Variants in LRRC4C observed in about 807,000 individuals in gnomAD.
LRRC4C encodes leucine-rich repeat-containing protein 4C.
LRRC4C carries 5 observed loss-of-function variants against 33.6 expected under a neutral mutation model. The observed-to-expected ratio is 0.15, with a 90% CI of 0.08 to 0.31. The LOEUF is 0.31. Ranked by LOEUF, LRRC4C falls within the 10% of genes least tolerant of loss-of-function variation. The pLI, the probability that LRRC4C is intolerant of heterozygous loss-of-function variation, is 1.00. For synonymous variants in LRRC4C, 329 were observed against 302.0 expected (o/e 1.09, Z -0.93); for missense variants, 560 against 796.7 (o/e 0.70, Z 3.58).
chr11:40,148,485 A>G (rs1857925116), intron 5 of LRRC4C, among the ~76,000 whole-genome samples: 1 of 152,030 alleles, frequency 6.6e-6, no homozygotes, highest in Non-Finnish European at 1.5e-5. Context: ...GTCTTTTTTA[A>G]AAAAGTGTCT....
At chr11:41,295,026 A>T (rs1950098525) in intron 1 of LRRC4C, among the ~76,000 whole-genome samples, 1 of 152,222 alleles carries the variant, frequency 6.6e-6, no homozygotes, top group Non-Finnish European at 1.5e-5. Context: ...TTGTTATTGT[A>T]AATTAGCATG....
chr11:40,894,429 T>A (rs1031878120), intron 2 of LRRC4C, among the ~76,000 whole-genome samples: 5 of 152,176 alleles, frequency 3.3e-5, no homozygotes, highest in Non-Finnish European at 5.9e-5. Flanking sequence ...CCAAATCTGT[T>A]AGAAATGCAA....
chr11:40,584,307 T>TC (rs1184655599), intron 3 of LRRC4C, among the ~76,000 whole-genome samples: 2 of 149,684 alleles, frequency 1.3e-5, no homozygotes, highest in African/African-American at 4.9e-5. Flanking sequence ...AGTAGAACAC[T>TC]CCCCCTCAGT....
intron 5 of LRRC4C, among the ~76,000 whole-genome samples, chr11:40,178,629 G>A (rs1860716950): frequency 6.6e-6 from 1 of 152,138 alleles, no homozygotes; most frequent in South Asian, 2.1e-4. Context: ...TTAAGACAAG[G>A]GCTTGTACTA....
intron 1 of LRRC4C, among the ~76,000 whole-genome samples, chr11:41,285,572 G>T (rs1481096242): frequency 2.6e-5 from 4 of 152,050 alleles, no homozygotes; most frequent in Admixed American, 2.6e-4. Context: ...CATGTCCAAG[G>T]TTCAGAGACT....
At chr11:40,467,373 T>C (rs1256300036) in intron 3 of LRRC4C, among the ~76,000 whole-genome samples, 1 of 152,196 alleles carries the variant, frequency 6.6e-6, no homozygotes, top group Non-Finnish European at 1.5e-5. Context: ...TATCAATTAC[T>C]AAGGGTGTAT....
chr11:40,946,497 T>C (rs879759881), intron 1 of LRRC4C, among the ~76,000 whole-genome samples: 5 of 152,206 alleles, frequency 3.3e-5, no homozygotes, highest in African/African-American at 4.8e-5. Context: ...TTAAGTTCTT[T>C]GAGAAGTCTC....
intron 2 of LRRC4C, among the ~76,000 whole-genome samples, chr11:40,918,167 A>G (rs1012041447): frequency 6.6e-6 from 1 of 152,100 alleles, no homozygotes; most frequent in Admixed American, 6.6e-5. Flanking sequence ...GGAGAAATGA[A>G]ATCTAGGACA....
intron 1 of LRRC4C, among the ~76,000 whole-genome samples, chr11:41,147,671 C>G (rs1943788372): frequency 6.6e-6 from 1 of 152,148 alleles, no homozygotes; most frequent in African/African-American, 2.4e-5. Flanking sequence ...TTTTTCACTA[C>G]CTAAACCTAA....
intron 3 of LRRC4C, among the ~76,000 whole-genome samples, chr11:40,399,190 C>G (rs1405288089): frequency 6.6e-6 from 1 of 152,042 alleles, no homozygotes; most frequent in Non-Finnish European, 1.5e-5. Context: ...TGGGTATATA[C>G]CCAAAGGACT....
chr11:40,514,672 A>G (rs543866078), intron 3 of LRRC4C, among the ~76,000 whole-genome samples: 2 of 152,080 alleles, frequency 1.3e-5, no homozygotes, highest in South Asian at 4.1e-4. Flanking sequence ...TCTTCTTTGC[A>G]TAATTGCCAT....
At chr11:40,254,343 T>C (rs937584752) in intron 4 of LRRC4C, among the ~76,000 whole-genome samples, 7 of 152,214 alleles carry the variant, frequency 4.6e-5, no homozygotes, top group Admixed American at 2.6e-4. Flanking sequence ...ACTCAGGATC[T>C]GAATAAAGCA....
chr11:41,376,799 G>A (rs538599742), intron 1 of LRRC4C, among the ~76,000 whole-genome samples: 1 of 151,904 alleles, frequency 6.6e-6, no homozygotes, highest in Admixed American at 6.6e-5. Flanking sequence ...AGAGTTACAG[G>A]TGATTTTAAA....
chr11:40,639,778 A>C (rs1941996359), intron 3 of LRRC4C, among the ~76,000 whole-genome samples: 1 of 152,244 alleles, frequency 6.6e-6, no homozygotes, highest in Non-Finnish European at 1.5e-5. Context: ...TTAAAGATGT[A>C]AAATCTAAGA....
chr11:40,440,293 CTCTTTCTTT>C (rs1352184466), intron 3 of LRRC4C, among the ~76,000 whole-genome samples: 1 of 130,570 alleles, frequency 7.7e-6, no homozygotes, highest in African/African-American at 2.7e-5. Context: ...TTAGTTTGGT[CTCTTTCTTT>C]TTTTTTTTTT....
chr11:41,136,837 C>G (rs1296377946), intron 1 of LRRC4C, among the ~76,000 whole-genome samples: 2 of 152,184 alleles, frequency 1.3e-5, no homozygotes, highest in African/African-American at 4.8e-5. Context: ...GGAATTGTTG[C>G]TGCTTCAATA....
intron 2 of LRRC4C, among the ~76,000 whole-genome samples, chr11:40,669,176 T>C: frequency 6.6e-6 from 1 of 152,218 alleles, no homozygotes; most frequent in Middle Eastern, 3.2e-3. Context: ...TCTCCTCTTC[T>C]TCTAATCACC....
At chr11:41,272,753 C>A (rs1949361663) in intron 1 of LRRC4C, among the ~76,000 whole-genome samples, 1 of 152,140 alleles carries the variant, frequency 6.6e-6, no homozygotes, top group Non-Finnish European at 1.5e-5. Context: ...ATTTCCCCTT[C>A]TTACTTAGCT....
rs77035900 is a variant in LRRC4C at position 40,401,487 on chromosome 11, G to C, written c.-269-81766C>G. Among the ~76,000 whole-genome samples, 1,171 of 152,170 alleles carry C rather than the reference G, an allele frequency of 7.7e-3. 14 individuals are homozygous for C. Among genetic ancestry groups the C allele is most frequent in the African/African-American group, 0.027 (1,106 of 41,542 alleles). On this transcript the variant is annotated intron_variant, in intron 3 of 6. Coordinates refer to ENST00000528697, the MANE Select transcript of LRRC4C (RefSeq NM_001258419.2). The stretch of plus-strand genomic sequence containing the variant: ...AGTACCTTTGGTAATTGGCCTTGTT[G>C]ACAGAAGCAGCCAACATTCTGTATT...
Sources: gnomAD v4.1 joint callset for allele counts (sites outside exome capture counted in the v4.1 genomes callset) on GRCh38, gnomAD v4.1.1 for gene constraint, MANE v1.5 for transcripts, NCBI Gene and HGNC (gene_info 2026-07-23, HGNC 2026-07-21) for gene names.